Variants in ZNF385D observed in about 807,000 individuals in gnomAD.
ZNF385D encodes the protein zinc finger protein 385D.
ZNF385D carries 15 observed loss-of-function variants against 35.8 expected under a neutral mutation model. That is an observed-to-expected ratio of 0.42 (90% CI 0.28 to 0.64). The LOEUF is 0.64. Among genes scored for constraint, ZNF385D ranks in the 30% least tolerant of loss-of-function variants. ZNF385D has a pLI of 0.23. For missense variants in ZNF385D, 474 were observed against 494.6 expected (o/e 0.96, Z 0.39); for synonymous variants, 212 against 186.8 (o/e 1.13, Z -1.10).
At chr3:21,801,946 G>A (rs1347238773) in intron 3 of ZNF385D, among the ~76,000 whole-genome samples, 1 of 152,080 alleles carries the variant, frequency 6.6e-6, no homozygotes, top group African/African-American at 2.4e-5. Flanking sequence ...GAAGCCATGG[G>A]TGTTTTTTCC....
At chr3:21,791,734 C>T (rs573725641) in intron 3 of ZNF385D, among the ~76,000 whole-genome samples, 2 of 152,134 alleles carry the variant, frequency 1.3e-5, no homozygotes, top group Non-Finnish European at 2.9e-5. Context: ...TGGATCTAAT[C>T]GTTTTTTTTG....
intron 3 of ZNF385D, among the ~76,000 whole-genome samples, chr3:21,842,320 A>G (rs1695733362): frequency 6.6e-6 from 1 of 151,960 alleles, no homozygotes; most frequent in African/African-American, 2.4e-5. Context: ...GGGTTTTGGG[A>G]GAAAAAGGAG....
At chr3:22,269,381 G>A (rs1701059702) in intron 2 of ZNF385D, among the ~76,000 whole-genome samples, 1 of 151,980 alleles carries the variant, frequency 6.6e-6, no homozygotes, top group Non-Finnish European at 1.5e-5. Context: ...GGAGGCACCA[G>A]TAGACTGTGA....
At chr3:22,363,397 G>C (rs530176945) in intron 2 of ZNF385D, among the ~76,000 whole-genome samples, 1 of 152,236 alleles carries the variant, frequency 6.6e-6, no homozygotes, top group East Asian at 1.9e-4. Flanking sequence ...GAGGTATGTG[G>C]CCCCCTCATC....
intron 3 of ZNF385D, among the ~76,000 whole-genome samples, chr3:22,017,271 A>G (rs112773967): frequency 0.037 from 5,586 of 152,162 alleles, 346 homozygotes; most frequent in African/African-American, 0.13. Flanking sequence ...ATACAGACAT[A>G]GTGAATTTTT....
intron 3 of ZNF385D, among the ~76,000 whole-genome samples, chr3:22,044,391 A>G (rs1013312341): frequency 1.2e-4 from 18 of 152,234 alleles, no homozygotes; most frequent in Admixed American, 1.0e-3. Flanking sequence ...CCTAGATCTG[A>G]GCACCCTTTG....
intron 3 of ZNF385D, among the ~76,000 whole-genome samples, chr3:22,107,447 A>C (rs754199995): frequency 6.6e-6 from 1 of 152,136 alleles, no homozygotes; most frequent in Non-Finnish European, 1.5e-5. Context: ...CAAAGTTTAT[A>C]CATGGAAATA....
intron 2 of ZNF385D, among the ~76,000 whole-genome samples, chr3:22,312,114 A>T (rs1434038027): frequency 6.6e-6 from 1 of 152,132 alleles, no homozygotes; most frequent in Non-Finnish European, 1.5e-5. Context: ...GCCTAAGTTC[A>T]TAGGGACTCT....
intron 4 of ZNF385D, among the ~76,000 whole-genome samples, chr3:21,452,971 A>C (rs1274249124): frequency 6.6e-6 from 1 of 152,042 alleles, no homozygotes; most frequent in Admixed American, 6.6e-5. Context: ...TCTTGAATTC[A>C]AAACTTACTA....
At chr3:22,370,206 C>T (rs1434832630) in intron 2 of ZNF385D, among the ~76,000 whole-genome samples, 1 of 152,166 alleles carries the variant, frequency 6.6e-6, no homozygotes, top group Non-Finnish European at 1.5e-5. Flanking sequence ...TAATTATAAG[C>T]TGGCTGAAAT....
chr3:22,322,478 G>A (rs1488820536), intron 2 of ZNF385D, among the ~76,000 whole-genome samples: 1 of 152,070 alleles, frequency 6.6e-6, no homozygotes. Flanking sequence ...TAGGTAACTT[G>A]GATTGGGCAG....
At chr3:21,475,833 T>C (rs1190662195) in intron 4 of ZNF385D, among the ~76,000 whole-genome samples, 1 of 152,142 alleles carries the variant, frequency 6.6e-6, no homozygotes, top group East Asian at 1.9e-4. Context: ...CACTGGCATA[T>C]GAAGGAAAAT....
intron 2 of ZNF385D, among the ~76,000 whole-genome samples, chr3:22,320,315 G>C (rs754515382): frequency 2.0e-5 from 3 of 152,048 alleles, no homozygotes; most frequent in Non-Finnish European, 4.4e-5. Context: ...TAAGGGGAAA[G>C]ACAAATAACT....
intron 2 of ZNF385D, among the ~76,000 whole-genome samples, chr3:22,201,246 T>C (rs1476964479): frequency 6.6e-6 from 1 of 152,168 alleles, no homozygotes; most frequent in African/African-American, 2.4e-5. Context: ...TCTTCTGCCG[T>C]GGCTTCAGCC....
intron 3 of ZNF385D, among the ~76,000 whole-genome samples, chr3:21,826,833 A>C (rs1177625355): frequency 1.3e-5 from 2 of 151,940 alleles, no homozygotes; most frequent in African/African-American, 2.4e-5. Context: ...AAAAAAAAAA[A>C]AAAAAACTCT....
chr3:22,169,526 TAAGTA>T (rs1490791904), intron 2 of ZNF385D, among the ~76,000 whole-genome samples: 15 of 152,144 alleles, frequency 9.9e-5, no homozygotes, highest in Non-Finnish European at 1.8e-4. Flanking sequence ...CCTTACTAGT[TAAGTA>T]AAGTGACTTA....
intron 3 of ZNF385D, among the ~76,000 whole-genome samples, chr3:21,954,892 A>G (rs1479926465): frequency 6.6e-6 from 1 of 152,128 alleles, no homozygotes; most frequent in East Asian, 1.9e-4. Context: ...ATGAAAAGGA[A>G]TGTAGCACAA....
At chr3:21,804,710 T>C (rs561880677) in intron 3 of ZNF385D, among the ~76,000 whole-genome samples, 12 of 152,292 alleles carry the variant, frequency 7.9e-5, no homozygotes, top group African/African-American at 2.9e-4. Flanking sequence ...TTAAACAGTT[T>C]TTAATTTTTA....
At chr3:21,987,461 G>C (rs1304643521) in intron 3 of ZNF385D, among the ~76,000 whole-genome samples, 1 of 120,874 alleles carries the variant, frequency 8.3e-6, no homozygotes, top group Non-Finnish European at 1.6e-5. Context: ...ATTCTGGGTT[G>C]AAAATTCTTT....
Sources: gnomAD v4.1 joint callset for allele counts (sites outside exome capture counted in the v4.1 genomes callset) on GRCh38, gnomAD v4.1.1 for gene constraint, MANE v1.5 for transcripts, NCBI Gene and HGNC (gene_info 2026-07-23, HGNC 2026-07-21) for gene names.